Variants in HYDIN observed in about 807,000 individuals in gnomAD.
HYDIN encodes the protein axonemal central pair apparatus protein HYDIN.
HYDIN carries 132 observed loss-of-function variants against 403.9 expected under a neutral mutation model. The ratio of observed to expected loss-of-function variants is 0.33; its 90% CI spans 0.28 to 0.38. The LOEUF (loss-of-function observed/expected upper bound fraction) is 0.38, where lower values mean the gene tolerates loss of function less well. Among genes scored for constraint, HYDIN ranks in the 10% least tolerant of loss-of-function variants. The pLI is 1.00. For missense variants in HYDIN, 2,827 were observed against 5,009.5 expected (o/e 0.56, Z 13.15); for synonymous variants, 1,202 against 1,891.7 (o/e 0.64, Z 9.46).
At chr16:71,196,708 A>G (rs149258879) in intron 1 of HYDIN, among the ~76,000 whole-genome samples, 1 of 152,188 alleles carries the variant, frequency 6.6e-6, no homozygotes, top group Non-Finnish European at 1.5e-5. Context: ...CAGGTCATAA[A>G]GACCTTGCTG....
intron 9 of HYDIN, among the ~76,000 whole-genome samples, chr16:71,124,476 G>T (rs1381998054): frequency 2.0e-5 from 3 of 151,706 alleles, no homozygotes; most frequent in Non-Finnish European, 4.4e-5. Flanking sequence ...AATTGAAAGA[G>T]CCTCTGAAAC....
chr16:71,201,415 C>G (rs1252253309), intron 1 of HYDIN, among the ~76,000 whole-genome samples: 2 of 152,138 alleles, frequency 1.3e-5, no homozygotes, highest in African/African-American at 2.4e-5. Context: ...TATCCTGCAT[C>G]CATCCCCCCA....
Position 70,837,730 on chromosome 16 carries a change from T to C in HYDIN, c.13202A>G (p.Gln4401Arg), listed in dbSNP as rs2037532155. The change falls in exon 77 of 86, where the codon CAA becomes CGA. Residue 4401 changes from glutamine (Q) to arginine (R), a missense_variant. Physicochemically the swap from Gln to Arg is conservative, Grantham distance 43. Coordinates refer to ENST00000393567, the MANE Select transcript of HYDIN (RefSeq NM_001270974.2). Reference sequence around the variant, plus strand: ...CTTCCCTTTGATTTCGACTGTTTGTTGTGAGAGCCCATTGATTTCAAAGGG... The same window carrying C: ...CTTCCCTTTGATTTCGACTGTTTGTCGTGAGAGCCCATTGATTTCAAAGGG... The part of the protein sequence containing the change: ...LIPFEINGLS[Q>R]QTVEIKGKGT... The C allele has an allele frequency of 1.2e-6, 2 of 1,613,820 alleles. No homozygotes were observed. Among genetic ancestry groups the C allele is most frequent in the Non-Finnish European group, 1.7e-6 (2 of 1,179,848 alleles).
intron 18 of HYDIN, among the ~76,000 whole-genome samples, chr16:71,049,070 T>C (rs1048900901): frequency 2.0e-5 from 3 of 152,394 alleles, no homozygotes; most frequent in South Asian, 4.1e-4. Flanking sequence ...AAACTAGGTA[T>C]AGCTTTACTC....
chr16:71,158,679 G>GTT (rs10615981), intron 6 of HYDIN, among the ~76,000 whole-genome samples: 36 of 117,248 alleles, frequency 3.1e-4, no homozygotes, highest in Non-Finnish European at 3.6e-4. Flanking sequence ...GAAAAAGATG[G>GTT]TTTTTTTTTT....
At chr16:71,224,563 T>C (rs952883310) in intron 1 of HYDIN, among the ~76,000 whole-genome samples, 5 of 144,506 alleles carry the variant, frequency 3.5e-5, no homozygotes, top group African/African-American at 1.3e-4. Flanking sequence ...GTTTTTCTTT[T>C]TTTTTTTTTT....
At chr16:71,001,806 A>G (rs2144074678) in intron 23 of HYDIN, among the ~76,000 whole-genome samples, 1 of 151,978 alleles carries the variant, frequency 6.6e-6, no homozygotes, top group African/African-American at 2.4e-5. Flanking sequence ...TTCCTGGGAA[A>G]GATGATGAAA....
At chr16:70,945,916 G>T (rs2077844792) in intron 41 of HYDIN, among the ~76,000 whole-genome samples, 1 of 152,202 alleles carries the variant, frequency 6.6e-6, no homozygotes, top group Non-Finnish European at 1.5e-5. Flanking sequence ...AGGACGAGGA[G>T]GCAGGCAATG....
intron 7 of HYDIN, among the ~76,000 whole-genome samples, chr16:71,139,727 C>A (rs945247101): frequency 6.6e-6 from 1 of 151,714 alleles, no homozygotes; most frequent in African/African-American, 2.4e-5. Context: ...ATGAAAAATA[C>A]AGTGGATAAG....
At chr16:71,201,035 A>G (rs1476216613) in intron 1 of HYDIN, among the ~76,000 whole-genome samples, 2 of 152,304 alleles carry the variant, frequency 1.3e-5, no homozygotes, top group African/African-American at 4.8e-5. Context: ...CTCATCCCAC[A>G]GATCTCAGCT....
At chr16:70,999,034 G>A (rs2079618543) in intron 23 of HYDIN, among the ~76,000 whole-genome samples, 1 of 152,188 alleles carries the variant, frequency 6.6e-6, no homozygotes, top group South Asian at 2.1e-4. Context: ...GGTCACGTGT[G>A]CTAAGGTGGA....
intron 1 of HYDIN, among the ~76,000 whole-genome samples, chr16:71,211,573 C>T (rs1476093781): frequency 2.8e-5 from 4 of 145,402 alleles, no homozygotes; most frequent in Admixed American, 7.1e-5. Context: ...ACCCGGGAGG[C>T]GGAGTTTGCA....
chr16:71,093,316 A>T (rs1394053306), intron 11 of HYDIN, among the ~76,000 whole-genome samples: 1 of 152,248 alleles, frequency 6.6e-6, no homozygotes, highest in Admixed American at 6.5e-5. Flanking sequence ...AATTGGAAAG[A>T]TAAAGCAGGA....
At chr16:70,936,926 C>T (rs1258806521) in intron 44 of HYDIN, among the ~76,000 whole-genome samples, 1 of 151,662 alleles carries the variant, frequency 6.6e-6, no homozygotes, top group Non-Finnish European at 1.5e-5. Context: ...CCCTCTCTTT[C>T]CCTTTCCGCT....
intron 1 of HYDIN, among the ~76,000 whole-genome samples, chr16:71,203,495 T>C (rs1310653842): frequency 6.6e-6 from 1 of 152,214 alleles, no homozygotes; most frequent in East Asian, 1.9e-4. Flanking sequence ...TAAAAATGCC[T>C]CATTTCTATT....
intron 80 of HYDIN, among the ~76,000 whole-genome samples, chr16:70,831,242 GCTCA>G (rs2036962277): frequency 6.6e-6 from 1 of 151,970 alleles, no homozygotes; most frequent in South Asian, 2.1e-4. Flanking sequence ...AGGCTTGGTG[GCTCA>G]TGCCTGAAAT....
intron 85 of HYDIN, 38 bp downstream of exon 85, chr16:70,809,745 G>A: frequency 6.7e-7 from 1 of 1,501,740 alleles, no homozygotes. Context: ...CAGCGTTCAT[G>A]TGAGGGAAGG....
chr16:70,820,022 G>A (rs1228041941), intron 83 of HYDIN, among the ~76,000 whole-genome samples: 2 of 135,848 alleles, frequency 1.5e-5, no homozygotes, highest in African/African-American at 5.6e-5. Context: ...GGGTTTCACC[G>A]TGTTAGTCAG....
At chr16:70,909,842 C>A (rs551876480) in intron 47 of HYDIN, among the ~76,000 whole-genome samples, 2 of 151,398 alleles carry the variant, frequency 1.3e-5, no homozygotes, top group Admixed American at 6.6e-5. Context: ...ACTACAGGCG[C>A]CTGCCACCAC....
Sources: gnomAD v4.1 joint callset for allele counts (sites outside exome capture counted in the v4.1 genomes callset) on GRCh38, gnomAD v4.1.1 for gene constraint, MANE v1.5 for transcripts, NCBI Gene and HGNC (gene_info 2026-07-23, HGNC 2026-07-21) for gene names.